SSBP2: variants seen among roughly 807,000 people sequenced by gnomAD.
SSBP2 encodes single-stranded DNA-binding protein 2.
SSBP2 carries 17 observed loss-of-function variants against 61.8 expected under a neutral mutation model. The ratio of observed to expected loss-of-function variants is 0.28; its 90% CI spans 0.19 to 0.41. The LOEUF is 0.41. SSBP2 is among the 10% of genes least tolerant of loss of function. The pLI, the probability that SSBP2 is intolerant of heterozygous loss-of-function variation, is 1.00. For synonymous variants in SSBP2, 139 were observed against 141.3 expected, an observed-to-expected ratio of 0.98 and a Z score of 0.12; for missense variants, 310 against 458.7, an observed-to-expected ratio of 0.68 and a Z score of 2.96.
intron 4 of SSBP2, among the ~76,000 whole-genome samples, chr5:81,527,930 T>C (rs909077230): frequency 9.9e-5 from 15 of 151,728 alleles, no homozygotes; most frequent in African/African-American, 3.1e-4. Context: ...TGTTCTAATT[T>C]AAGTCCCTCT....
At chr5:81,708,925 C>T (rs75158755) in intron 1 of SSBP2, among the ~76,000 whole-genome samples, 10,485 of 151,946 alleles carry the variant, frequency 0.069, 471 homozygotes, top group Middle Eastern at 0.11. Context: ...ACTAGAAAAA[C>T]TCTTATTGTG....
At chr5:81,582,899 T>C (rs1275100365) in intron 4 of SSBP2, among the ~76,000 whole-genome samples, 4 of 152,050 alleles carry the variant, frequency 2.6e-5, no homozygotes, top group Admixed American at 6.5e-5. Context: ...GGCCTTACTG[T>C]CTTCTTTTAA....
At chr5:81,477,659 A>C (rs1015370329) in intron 6 of SSBP2, among the ~76,000 whole-genome samples, 2 of 150,434 alleles carry the variant, frequency 1.3e-5, no homozygotes, top group Non-Finnish European at 3.0e-5. Flanking sequence ...AGAGAAGGTA[A>C]GGGCTTTTCA....
intron 6 of SSBP2, among the ~76,000 whole-genome samples, chr5:81,488,526 T>G (rs923439114): frequency 1.3e-5 from 2 of 152,138 alleles, no homozygotes; most frequent in Non-Finnish European, 2.9e-5. Context: ...TATATCTTCT[T>G]TGGAAAACAC....
At chr5:81,570,796 A>G (rs1245039229) in intron 4 of SSBP2, among the ~76,000 whole-genome samples, 2 of 152,210 alleles carry the variant, frequency 1.3e-5, no homozygotes, top group Non-Finnish European at 2.9e-5. Context: ...ATCTTAGGTC[A>G]TTACCCCTCC....
At chr5:81,450,223 A>T (rs548984657) in intron 10 of SSBP2, among the ~76,000 whole-genome samples, 2 of 152,144 alleles carry the variant, frequency 1.3e-5, no homozygotes, top group South Asian at 4.2e-4. Flanking sequence ...GAGTTTTTCT[A>T]TGTTGCCCAC....
intron 5 of SSBP2, among the ~76,000 whole-genome samples, chr5:81,493,297 G>GATAGAT (rs1237720233): frequency 8.1e-4 from 120 of 148,774 alleles, no homozygotes; most frequent in African/African-American, 2.9e-3. Flanking sequence ...TAGATAGATA[G>GATAGAT]ATAGATTAAC....
chr5:81,654,551 T>C (rs1052489026), intron 1 of SSBP2, among the ~76,000 whole-genome samples: 1 of 152,174 alleles, frequency 6.6e-6, no homozygotes, highest in Admixed American at 6.5e-5. Context: ...ACTCCTTTCT[T>C]TCCTCCTTCC....
intron 4 of SSBP2, among the ~76,000 whole-genome samples, chr5:81,548,173 G>C (rs1278509794): frequency 6.6e-6 from 1 of 152,166 alleles, no homozygotes; most frequent in Non-Finnish European, 1.5e-5. Flanking sequence ...GATCAGAGTG[G>C]TAGTTGCTGA....
chr5:81,743,732 T>A (rs1466957289), intron 1 of SSBP2, among the ~76,000 whole-genome samples: 1 of 152,072 alleles, frequency 6.6e-6, no homozygotes, highest in Middle Eastern at 3.2e-3. Flanking sequence ...CAATAAAAAG[T>A]TTTCCTCCCT....
At chr5:81,484,890 T>C (rs1766268875) in intron 6 of SSBP2, among the ~76,000 whole-genome samples, 1 of 152,176 alleles carries the variant, frequency 6.6e-6, no homozygotes, top group South Asian at 2.1e-4. Flanking sequence ...GAATTAACAA[T>C]GTTTTTCATT....
intron 6 of SSBP2, among the ~76,000 whole-genome samples, chr5:81,484,639 A>AC (rs1186219337): frequency 1.3e-5 from 2 of 152,152 alleles, no homozygotes; most frequent in Non-Finnish European, 2.9e-5. Flanking sequence ...CAAAGAGGCT[A>AC]CTTTATGCTT....
intron 1 of SSBP2, among the ~76,000 whole-genome samples, chr5:81,729,100 A>G (rs1384024123): frequency 2.0e-5 from 3 of 152,170 alleles, no homozygotes; most frequent in Non-Finnish European, 4.4e-5. Context: ...TGTACCACAT[A>G]AATGTATATA....
chr5:81,647,523 T>C (rs1353708948), intron 2 of SSBP2, among the ~76,000 whole-genome samples: 2 of 152,072 alleles, frequency 1.3e-5, no homozygotes, highest in African/African-American at 4.8e-5. Context: ...TATTTAGGTA[T>C]TGATAATGCA....
chr5:81,687,142 G>A (rs1045171567), intron 1 of SSBP2, among the ~76,000 whole-genome samples: 22 of 152,320 alleles, frequency 1.4e-4, no homozygotes, highest in Middle Eastern at 3.4e-3. Context: ...CACCCTACCC[G>A]ATCACCCGGC....
intron 1 of SSBP2, among the ~76,000 whole-genome samples, chr5:81,684,502 T>C (rs564116629): frequency 6.6e-6 from 1 of 152,288 alleles, no homozygotes; most frequent in South Asian, 2.1e-4. Flanking sequence ...CTAGTCTGTA[T>C]GTGCCCAAGG....
intron 5 of SSBP2, among the ~76,000 whole-genome samples, chr5:81,507,402 C>A (rs1025313937): frequency 2.6e-5 from 4 of 152,096 alleles, no homozygotes; most frequent in Non-Finnish European, 4.4e-5. Flanking sequence ...CAGTTTTCAA[C>A]AGTTTCATCT....
At chr5:81,493,765 AAT>A (rs1275975218) in intron 5 of SSBP2, among the ~76,000 whole-genome samples, 6 of 151,512 alleles carry the variant, frequency 4.0e-5, no homozygotes, top group Admixed American at 6.6e-5. Context: ...CAAAAAAAAA[AAT>A]AAAATAAAAT....
chr5:81,594,700 G>A (rs1363497786), intron 4 of SSBP2, among the ~76,000 whole-genome samples: 12 of 152,180 alleles, frequency 7.9e-5, no homozygotes, highest in African/African-American at 2.4e-4. Context: ...ACTCAAAACC[G>A]CTCAACTACA....
Sources: gnomAD v4.1 joint callset for allele counts (sites outside exome capture counted in the v4.1 genomes callset) on GRCh38, gnomAD v4.1.1 for gene constraint, MANE v1.5 for transcripts, NCBI Gene and HGNC (gene_info 2026-07-23, HGNC 2026-07-21) for gene names.